ITGB8: variants seen among roughly 807,000 people sequenced by gnomAD.
ITGB8 encodes the protein integrin subunit beta 8, also known as integrin beta-8.
Under a neutral mutation model 89.5 loss-of-function variants are expected in ITGB8, and 30 were observed. That is an observed-to-expected ratio of 0.34 (90% CI 0.25 to 0.45). The LOEUF (loss-of-function observed/expected upper bound fraction) is 0.45, where lower values mean the gene tolerates loss of function less well. ITGB8 is among the 20% of genes least tolerant of loss of function. The pLI is 1.00. For missense variants in ITGB8, 836 were observed against 933.3 expected, an observed-to-expected ratio of 0.90 and a Z score of 1.36; for synonymous variants, 335 against 320.4, an observed-to-expected ratio of 1.05 and a Z score of -0.49.
intron 1 of ITGB8, among the ~76,000 whole-genome samples, chr7:20,335,883 C>G (rs1784555535): frequency 6.6e-6 from 1 of 151,788 alleles, no homozygotes; most frequent in South Asian, 2.1e-4. Flanking sequence ...CCCACACTCT[C>G]TTGGTTTAAG....
chr7:20,380,892 G>A, intron 5 of ITGB8, 61 bp downstream of exon 5: 5 of 1,400,488 alleles, frequency 3.6e-6, no homozygotes, highest in South Asian at 1.3e-5. Flanking sequence ...GAATTTAGAC[G>A]TTTTATTTTC....
chr7:20,400,209 T>C (rs530861103), intron 9 of ITGB8, among the ~76,000 whole-genome samples: 1 of 151,968 alleles, frequency 6.6e-6, no homozygotes, highest in South Asian at 2.1e-4. Flanking sequence ...AGCTTTTACA[T>C]TGTTTTTTTT....
At chr7:20,356,687 G>A (rs1200676984) in intron 1 of ITGB8, among the ~76,000 whole-genome samples, 4 of 152,158 alleles carry the variant, frequency 2.6e-5, no homozygotes, top group Non-Finnish European at 5.9e-5. Flanking sequence ...TAAATATCAA[G>A]TACTACAGTC....
rs766729168 is a variant in ITGB8, at chr7:20,380,709, G to A, written c.679G>A (p.Val227Met). ...CATGCCTCCCCATGGATACATCCATGTGCTGTCTTTGACAGAGAACATCAC... is the reference window on the plus strand; with the variant it reads ...CATGCCTCCCCATGGATACATCCATATGCTGTCTTTGACAGAGAACATCAC... ...DCMPPHGYIH[V>M]LSLTENITEF... The change falls in exon 5 of 14, where the codon GTG (valine) becomes ATG (methionine). Residue 227 changes from valine (V) to methionine (M), a missense_variant. By Grantham distance (21) the Val-to-Met change is conservative (BLOSUM62 1). Around this residue, in one of 5 missense-constraint regions of ITGB8, gnomAD observed 192 missense variants for 267.1 expected, o/e 0.72. Coordinates refer to ENST00000222573, the MANE Select transcript of ITGB8 (RefSeq NM_002214.3). 1 of 1,613,480 alleles carries A rather than the reference G, an allele frequency of 6.2e-7. No homozygotes were observed. Among genetic ancestry groups the A allele is most frequent in the South Asian group, 1.1e-5 (1 of 91,066 alleles).
intron 3 of ITGB8, among the ~76,000 whole-genome samples, chr7:20,368,916 A>C (rs1562673336): frequency 6.6e-6 from 1 of 152,086 alleles, no homozygotes; most frequent in Non-Finnish European, 1.5e-5. Flanking sequence ...CCCTAGCAAA[A>C]CTATAATCTA....
Position 20,331,370 on chromosome 7 carries a change from GT to G in ITGB8, c.-434del, listed in dbSNP as rs1006970774. The G allele has an allele frequency of 2.2e-4, 89 of 397,844 alleles. No individual in the cohort carries two copies. The highest frequency in any genetic ancestry group is 3.2e-4 in the Non-Finnish European group (72 of 226,492). The allele number at this position is 397,844 out of a possible 1,614,324, so 24.6% of individuals were successfully genotyped here. ...CACCCAGTGAATGTACATTAGGGTG[GT>G]TTCCCCCCCAGCTTCGGGCTTTGTT... On this transcript the variant is annotated 5_prime_UTR_variant, in exon 1 of 14. An upstream open reading frame in the 5' UTR loses its in-frame stop. Transcript: ENST00000222573.
chr7:20,346,960 A>AGGTG (rs771412775), intron 1 of ITGB8: 1 of 587,946 alleles, frequency 1.7e-6, no homozygotes, highest in Non-Finnish European at 2.1e-6. Flanking sequence ...ATGGCATTAA[A>AGGTG]GGTGGGGCCT....
intron 1 of ITGB8, among the ~76,000 whole-genome samples, chr7:20,353,910 C>A (rs1371756299): frequency 9.4e-6 from 1 of 106,776 alleles, no homozygotes; most frequent in Non-Finnish European, 1.7e-5. Context: ...CCAGCCTGGG[C>A]GACAGAGCGA....
intron 6 of ITGB8, among the ~76,000 whole-genome samples, chr7:20,382,681 G>GT (rs111617774): frequency 1.8e-4 from 27 of 152,182 alleles, no homozygotes; most frequent in African/African-American, 5.3e-4. Flanking sequence ...TAATAGTTCT[G>GT]TTTTTTTAAG....
intron 1 of ITGB8, among the ~76,000 whole-genome samples, chr7:20,344,249 C>T (rs904165573): frequency 2.6e-5 from 4 of 151,866 alleles, no homozygotes; most frequent in African/African-American, 9.7e-5. Flanking sequence ...CAAGACAGAA[C>T]ATTGCCGTCT....
At chr7:20,335,425 A>T (rs924594390) in intron 1 of ITGB8, among the ~76,000 whole-genome samples, 1 of 152,226 alleles carries the variant, frequency 6.6e-6, no homozygotes, top group Admixed American at 6.5e-5. Context: ...GAAAAACAAC[A>T]TGAGTAAATC....
At chr7:20,330,881 T>A (rs1784356769), upstream of ITGB8, 1 of 152,822 alleles carries the variant, frequency 6.5e-6, no homozygotes, top group Non-Finnish European at 1.5e-5. Flanking sequence ...CTCTCTCGCA[T>A]CCTAGCCGTG....
At chr7:20,404,118 A>G (rs1289577340) in intron 10 of ITGB8, among the ~76,000 whole-genome samples, 1 of 152,180 alleles carries the variant, frequency 6.6e-6, no homozygotes, top group Non-Finnish European at 1.5e-5. Flanking sequence ...TTCTCAAGAG[A>G]CCTGATCTTT....
chr7:20,364,207 C>T (rs1000456606), intron 2 of ITGB8, among the ~76,000 whole-genome samples: 2 of 152,014 alleles, frequency 1.3e-5, no homozygotes, highest in African/African-American at 4.8e-5. Flanking sequence ...CTTCTTTTGT[C>T]AGTAATCTGG....
chr7:20,336,498 CCT>C (rs1784584138), intron 1 of ITGB8, among the ~76,000 whole-genome samples: 1 of 152,124 alleles, frequency 6.6e-6, no homozygotes, highest in African/African-American at 2.4e-5. Context: ...GAGAGAGGTC[CCT>C]GTTTTTGAAA....
intron 1 of ITGB8, among the ~76,000 whole-genome samples, chr7:20,341,095 A>G (rs1030579588): frequency 1.6e-4 from 24 of 152,184 alleles, no homozygotes; most frequent in African/African-American, 5.1e-4. Flanking sequence ...CAAAGACACT[A>G]TTGTAGCAGA....
intron 4 of ITGB8, chr7:20,379,914 A>G (rs150271986): frequency 1.4e-3 from 219 of 152,396 alleles, no homozygotes; most frequent in African/African-American, 4.8e-3. Flanking sequence ...CCTTAAAAAT[A>G]CAAGTGTCTC....
intron 1 of ITGB8, among the ~76,000 whole-genome samples, chr7:20,344,515 G>A (rs748890302): frequency 9.9e-5 from 15 of 152,176 alleles, no homozygotes; most frequent in South Asian, 2.1e-4. Flanking sequence ...AAATGTGTGC[G>A]TAAAGACTGG....
At chr7:20,361,123 CAT>C (rs1318352782) in intron 1 of ITGB8, among the ~76,000 whole-genome samples, 1 of 151,828 alleles carries the variant, frequency 6.6e-6, no homozygotes, top group Non-Finnish European at 1.5e-5. Flanking sequence ...AGCTTTTTTT[CAT>C]ATGTTTATTA....
Sources: allele counts gnomAD v4.1 joint callset (sites outside exome capture counted in the v4.1 genomes callset), GRCh38; gene constraint gnomAD v4.1.1; regional missense constraint gnomAD v4.1.1; transcripts MANE v1.5; gene names NCBI Gene and HGNC (gene_info 2026-07-23, HGNC 2026-07-21).